The following MAML2 variants were observed in gnomAD, a reference collection of about 807,000 sequenced individuals.
The protein encoded by MAML2 is mastermind-like protein 2.
In MAML2, 22 loss-of-function variants were observed where a neutral mutation model predicts 96.1. That is an observed-to-expected ratio of 0.23 (90% CI 0.16 to 0.33). The LOEUF (loss-of-function observed/expected upper bound fraction) is 0.33, where lower values mean the gene tolerates loss of function less well. Ranked by LOEUF, MAML2 falls within the 10% of genes least tolerant of loss-of-function variation. The probability of loss-of-function intolerance (pLI) is 1.00; values close to 1 mark genes in which losing one functional copy is unlikely to be tolerated. For synonymous variants in MAML2, 561 were observed against 521.3 expected (o/e 1.08, Z -1.04); for missense variants, 1,367 against 1,392.4 (o/e 0.98, Z 0.29).
chr11:96,204,426 C>T (rs542527363), intron 1 of MAML2, among the ~76,000 whole-genome samples: 1 of 152,242 alleles, frequency 6.6e-6, no homozygotes, highest in East Asian at 1.9e-4. Context: ...AGTTCTGTAA[C>T]AGAAATTTGC....
In MAML2 at chr11:95,991,427, C is replaced by T. The variant is rs188849622; in HGVS notation, c.2343+93G>A. 1.7e-4 allele frequency: 194 copies of T among 1,168,344 alleles called. 2 individuals carry two copies. The Admixed American group carries it at 2.3e-3, about 14-fold the overall frequency. The allele number at this position is 1,168,344 out of a possible 1,614,324, so 72.4% of individuals were successfully genotyped here. On this transcript the variant is annotated intron_variant, in intron 3 of 4. Transcript: ENST00000524717. Reference sequence around the variant, plus strand: ...AGTCAGCACACCTTTGTTGCTGTCACGTAAGTAGGCACAGTAAATATAAAT... The same window carrying T: ...AGTCAGCACACCTTTGTTGCTGTCATGTAAGTAGGCACAGTAAATATAAAT...
At chr11:96,119,326 A>C (rs1860296645) in intron 1 of MAML2, among the ~76,000 whole-genome samples, 1 of 152,236 alleles carries the variant, frequency 6.6e-6, no homozygotes, top group Admixed American at 6.5e-5. Context: ...GGAAGGAGGC[A>C]GGAGAGCCAA....
intron 2 of MAML2, among the ~76,000 whole-genome samples, chr11:96,082,337 ATAC>A (rs1194422368): frequency 1.3e-5 from 2 of 152,228 alleles, no homozygotes; most frequent in African/African-American, 4.8e-5. Context: ...GGTAAGAACT[ATAC>A]TGAAAGGTTT....
intron 1 of MAML2, among the ~76,000 whole-genome samples, chr11:96,136,057 A>C (rs969421140): frequency 6.6e-6 from 1 of 151,506 alleles, no homozygotes; most frequent in Non-Finnish European, 1.5e-5. Context: ...AGTGAACTCA[A>C]TTATACGTGA....
intron 2 of MAML2, among the ~76,000 whole-genome samples, chr11:96,063,028 C>A (rs560678487): frequency 6.6e-6 from 1 of 152,322 alleles, no homozygotes; most frequent in Non-Finnish European, 1.5e-5. Context: ...GGCTTATACT[C>A]ATACAAAGTC....
In MAML2 at chr11:96,342,676, C is replaced by A. The variant is rs1864015760; in HGVS notation, c.-781G>T. ...AATGTCAGTAATTGGACTTTTGGACCATGCTTTTTTCTTCAGCTAATCCAA... is the reference window on the plus strand; with the variant it reads ...AATGTCAGTAATTGGACTTTTGGACAATGCTTTTTTCTTCAGCTAATCCAA... On this transcript the variant is annotated 5_prime_UTR_variant, in exon 1 of 5. It removes an upstream start codon present in the reference 5' UTR. Coordinates refer to ENST00000524717, the MANE Select transcript of MAML2 (RefSeq NM_032427.4). 3 of 364,290 alleles carry A rather than the reference C, an allele frequency of 8.2e-6. No homozygotes were observed. Among genetic ancestry groups the A allele is most frequent in the Non-Finnish European group, 1.5e-5 (3 of 205,120 alleles). The allele number at this position is 364,290 out of a possible 1,614,324, so 22.6% of individuals were successfully genotyped here.
chr11:96,103,552 C>T (rs1859970505), intron 1 of MAML2, among the ~76,000 whole-genome samples: 1 of 152,080 alleles, frequency 6.6e-6, no homozygotes, highest in Admixed American at 6.6e-5. Flanking sequence ...CAAAAAGGTC[C>T]CTTCTTTTTG....
At chr11:96,325,903 C>A (rs1329956079) in intron 1 of MAML2, among the ~76,000 whole-genome samples, 2 of 152,132 alleles carry the variant, frequency 1.3e-5, no homozygotes, top group African/African-American at 4.8e-5. Context: ...GCACAGAAAC[C>A]CCTCTTCTAG....
chr11:96,105,773 C>A (rs1287157001), intron 1 of MAML2, among the ~76,000 whole-genome samples: 2 of 151,984 alleles, frequency 1.3e-5, no homozygotes, highest in Non-Finnish European at 2.9e-5. Flanking sequence ...ACTTTCACTC[C>A]AGTCTATGTT....
chr11:96,073,672 T>C (rs1859385641), intron 2 of MAML2, among the ~76,000 whole-genome samples: 1 of 152,138 alleles, frequency 6.6e-6, no homozygotes, highest in East Asian at 1.9e-4. Flanking sequence ...TCTACTATCT[T>C]GGGTGGAAAG....
At chr11:96,251,703 C>T (rs185598339) in intron 1 of MAML2, among the ~76,000 whole-genome samples, 62 of 148,744 alleles carry the variant, frequency 4.2e-4, no homozygotes, top group African/African-American at 1.5e-3. Flanking sequence ...GAAGCATCAA[C>T]AGAAAAAAAG....
At chr11:96,101,593 T>C (rs1448670397) in intron 1 of MAML2, among the ~76,000 whole-genome samples, 4 of 152,204 alleles carry the variant, frequency 2.6e-5, no homozygotes, top group Non-Finnish European at 5.9e-5. Flanking sequence ...ACCTGTATGA[T>C]ATGGACAATA....
intron 1 of MAML2, among the ~76,000 whole-genome samples, chr11:96,218,747 A>C (rs1175458073): frequency 6.6e-6 from 1 of 152,240 alleles, no homozygotes; most frequent in Admixed American, 6.5e-5. Flanking sequence ...TAGGTTGCCA[A>C]ATAAAATGTA....
At chr11:96,289,614 G>T (rs1415292818) in intron 1 of MAML2, among the ~76,000 whole-genome samples, 2 of 152,120 alleles carry the variant, frequency 1.3e-5, no homozygotes, top group African/African-American at 4.8e-5. Context: ...CTTGCTCTGG[G>T]TATTTATTTA....
At chr11:96,304,739 C>G (rs182774559) in intron 1 of MAML2, among the ~76,000 whole-genome samples, 3 of 152,276 alleles carry the variant, frequency 2.0e-5, no homozygotes, top group Non-Finnish European at 4.4e-5. Context: ...GATACAGAGA[C>G]AGCTAACTGC....
At chr11:96,172,326 G>A (rs1350210792) in intron 1 of MAML2, among the ~76,000 whole-genome samples, 4 of 152,194 alleles carry the variant, frequency 2.6e-5, no homozygotes, top group African/African-American at 4.8e-5. Context: ...TAATGCATAT[G>A]GATTCATCAC....
At chr11:96,053,403 A>C (rs139444341) in intron 2 of MAML2, among the ~76,000 whole-genome samples, 46 of 152,350 alleles carry the variant, frequency 3.0e-4, no homozygotes, top group African/African-American at 1.1e-3. Flanking sequence ...GTACTGTAAC[A>C]CAACTATAAA....
At chr11:96,145,229 C>T (rs889805638) in intron 1 of MAML2, among the ~76,000 whole-genome samples, 5 of 152,194 alleles carry the variant, frequency 3.3e-5, no homozygotes, top group East Asian at 1.9e-4. Context: ...CTAAGCCTTG[C>T]TTCCTGTTTT....
chr11:96,054,240 G>C (rs182765560), intron 2 of MAML2, among the ~76,000 whole-genome samples: 1 of 152,134 alleles, frequency 6.6e-6, no homozygotes, highest in Admixed American at 6.5e-5. Context: ...AACTCTAGAC[G>C]GGGATATTTT....
Sources: allele counts gnomAD v4.1 joint callset (sites outside exome capture counted in the v4.1 genomes callset), GRCh38; gene constraint gnomAD v4.1.1; transcripts MANE v1.5; gene names NCBI Gene and HGNC (gene_info 2026-07-23, HGNC 2026-07-21).